Variants in MUC4 observed in about 807,000 individuals in gnomAD.
MUC4 encodes mucin 4, cell surface associated, also known as mucin-4.
MUC4 carries 202 observed loss-of-function variants against 257.9 expected under a neutral mutation model. The observed-to-expected ratio is 0.78, with a 90% confidence interval of 0.70 to 0.88. The LOEUF is 0.88. MUC4 is among the 40% of genes least tolerant of loss of function. The pLI, the probability that MUC4 is intolerant of heterozygous loss-of-function variation, is 0.00. For synonymous variants in MUC4, 2,351 were observed against 2,757.1 expected (o/e 0.85, Z 4.62); for missense variants, 5,976 against 6,513.7 (o/e 0.92, Z 2.84).
At position 195,799,724 on chromosome 3, in the gene MUC4, A is replaced by G. The variant is rs183406663; in HGVS notation, c.83-8227T>C. Among the ~76,000 whole-genome samples, 226 of 152,290 alleles carry G rather than the reference A, an allele frequency of 1.5e-3. 4 individuals carry two copies. Among genetic ancestry groups the G allele is most frequent in the African/African-American group, 5.3e-3 (221 of 41,550 alleles). On this transcript the variant is annotated intron_variant, in intron 1 of 24. Coordinates refer to ENST00000463781, the MANE Select transcript of MUC4 (RefSeq NM_018406.7). ...AGCCCTGATGACTATCTTCGTGTCT[A>G]ATGTTTTGTTTACATTATTTCAGCT...
Position 195,786,439 on chromosome 3 carries a change from G to C in MUC4, c.5141C>G (p.Pro1714Arg). ...SASTGQATPL[P>R]VTSLSSVSTG... Reference sequence around the variant, plus strand: ...GGATACTGAGGAAAGGCTGGTGACAGGAAGAGGGGTGGCCTGACCTGTGGA... The same window carrying C: ...GGATACTGAGGAAAGGCTGGTGACACGAAGAGGGGTGGCCTGACCTGTGGA... Residue 1714 changes from proline to arginine, a missense_variant, in exon 2 of 25, where the codon CCT (proline) becomes CGT (arginine). Physicochemically the swap from Pro to Arg is moderately radical, Grantham distance 103. This residue lies in a region of MUC4 where 138 missense variants were observed against 107.8 expected (regional missense o/e 1.28). Transcript: ENST00000463781. The C allele has an allele frequency of 1.3e-6, 2 of 1,531,532 alleles. No individual in the cohort carries two copies. Among genetic ancestry groups the C allele is most frequent in the South Asian group, 1.2e-5 (1 of 83,294 alleles). 94.9% of individuals were successfully genotyped at this position (1,531,532 alleles called of 1,614,324 possible).
Position 195,781,032 on chromosome 3 carries a change from A to G in MUC4, c.10548T>C (p.Gly3516=), listed in dbSNP as rs560809712. 1.3e-3 allele frequency: 1,902 copies of G among 1,520,058 alleles called. 140 individuals are homozygous for G. The highest frequency in any genetic ancestry group is 1.8e-3 in the South Asian group (151 of 82,892). The allele number at this position is 1,520,058 out of a possible 1,614,324, so 94.2% of individuals were successfully genotyped here. ...CGGTGACAGGAAGAGGGGTGGCGTG[A>G]CCGGTGGATGCTGAGGAAGCGCCGG... ...PVTGASSAST[G]HATPLPVTDT... is the part of the protein sequence containing the mutation. The change falls in exon 2 of 25, where the codon GGT becomes GGC. Residue 3516 remains glycine, a synonymous_variant. Transcript: ENST00000463781.
At chr3:195,775,742 T>A (rs368846160) in intron 3 of MUC4, among the ~76,000 whole-genome samples, 138 of 2,326 alleles carry the variant, frequency 0.059, 4 homozygotes, top group Middle Eastern at 0.1. Flanking sequence ...TTCCACACCC[T>A]TACCTTCCAC....
intron 7 of MUC4, among the ~76,000 whole-genome samples, chr3:195,767,600 TCATCACCATTGCCACCACCATCAC>T (rs1560262305): frequency 2.2e-4 from 10 of 45,388 alleles, no homozygotes; most frequent in Non-Finnish European, 2.2e-4. Context: ...ACCACCACCA[TCATCACCATTGCCACCACCATCAC>T]CACCATCACC....
At chr3:195,767,838 C>CCATCAT (rs1383626709) in intron 7 of MUC4, among the ~76,000 whole-genome samples, 2 of 135,378 alleles carry the variant, frequency 1.5e-5, no homozygotes, top group Non-Finnish European at 3.2e-5. Flanking sequence ...ACCATCACCA[C>CCATCAT]CACCACCATC....
In MUC4 at chr3:195,747,332, G is replaced by T; in HGVS notation, c.16083C>A (p.His5361Gln). The T allele has an allele frequency of 6.2e-7, 1 of 1,614,068 alleles. No individual in the cohort carries two copies. ...AGAACGCGTCGAGTTTCATGCTCAG[G>T]TGCTCACAGTGCTCGCCCCAGGCCG... ...IYTAWGEHCE[H>Q]LSMKLDAFFG... is the part of the protein sequence containing the mutation. The change falls in exon 25 of 25, where the codon CAC becomes CAA. Residue 5361 changes from histidine (H) to glutamine (Q), a missense_variant. Coordinates refer to ENST00000463781, the MANE Select transcript of MUC4 (RefSeq NM_018406.7).
chr3:195,766,504 C>T (rs1377588956), intron 8 of MUC4, among the ~76,000 whole-genome samples, 159 bp downstream of exon 8: 1 of 152,132 alleles, frequency 6.6e-6, no homozygotes, highest in Non-Finnish European at 1.5e-5. Flanking sequence ...GGTGGTGCCA[C>T]ATCCCACCTA....
chr3:195,753,439 G>T (rs1716883837), intron 19 of MUC4: 17 of 575,052 alleles, frequency 3.0e-5, no homozygotes, highest in Non-Finnish European at 4.8e-5. Flanking sequence ...TTCCACTTTT[G>T]TGGAGGGACT....
chr3:195,808,090 G>A (rs999728260), intron 1 of MUC4, among the ~76,000 whole-genome samples: 5 of 152,250 alleles, frequency 3.3e-5, no homozygotes, highest in African/African-American at 7.2e-5. Context: ...CAGGAAGCAC[G>A]GGGTGGCTTT....
chr3:195,791,098 C>T lies in MUC4; in HGVS notation c.482G>A (p.Ser161Asn). 1 of 1,613,750 alleles carries T rather than the reference C, an allele frequency of 6.2e-7. No homozygotes were observed. The highest frequency in any genetic ancestry group is 8.5e-7 in the Non-Finnish European group (1 of 1,179,858). Residue 161 changes from serine to asparagine, a missense_variant, in exon 2 of 25, where the codon AGT becomes AAT. Ser to Asn is a conservative substitution (Grantham distance 46). Transcript: ENST00000463781. ...GACTGCTGAGGTCACTGGGGTAGAACTTTCAGTTCCTGCTGTTGATGTCTC... is the reference window on the plus strand; with the variant it reads ...GACTGCTGAGGTCACTGGGGTAGAATTTTCAGTTCCTGCTGTTGATGTCTC... Reference protein sequence around the residue: ...TEETSTAGTESSTPVTSAVSI... With the variant: ...TEETSTAGTENSTPVTSAVSI...
At position 195,783,742 on chromosome 3, in the gene MUC4, C is replaced by G; in HGVS notation, c.7838G>C (p.Ser2613Thr). Reference protein sequence around the residue: ...TGQATPLPVTSLSSVSTGDTT... With the variant: ...TGQATPLPVTTLSSVSTGDTT... ...GTCACCTGTGGATACTGAGGAAAGG[C>G]TGGTGACAGGAAGAGGGGTGGCCTG... is the stretch of plus-strand genomic sequence containing the variant. The change falls in exon 2 of 25, where the codon AGC (serine) becomes ACC (threonine). Residue 2613 changes from serine to threonine, a missense_variant. Ser to Thr is a moderately conservative substitution (Grantham distance 58). Coordinates refer to ENST00000463781, the MANE Select transcript of MUC4 (RefSeq NM_018406.7). The G allele has an allele frequency of 7.6e-5, 2 of 26,422 alleles. No individual in the cohort carries two copies. Among genetic ancestry groups the G allele is most frequent in the East Asian group, 5.8e-4 (1 of 1,710 alleles). 1.6% of individuals were successfully genotyped at this position (26,422 alleles called of 1,614,324 possible). A position where few individuals can be genotyped will look rare whatever the true frequency, so the allele number is the denominator to read the frequency against.
chr3:195,805,587 G>T (rs1735885549), intron 1 of MUC4, among the ~76,000 whole-genome samples: 1 of 152,156 alleles, frequency 6.6e-6, no homozygotes, highest in Non-Finnish European at 1.5e-5. Flanking sequence ...TGTGATCCCA[G>T]TTGGAATCAA....
In MUC4 at chr3:195,794,392, A is replaced by T. The variant is rs186266486; in HGVS notation, c.83-2895T>A. Reference sequence around the variant, plus strand: ...TATATATAGAGAGAGAGAGAGAGAGAAGAAAGAGAGAGAGAGAGAAAGAAA... The same window carrying T: ...TATATATAGAGAGAGAGAGAGAGAGTAGAAAGAGAGAGAGAGAGAAAGAAA... On this transcript the variant is annotated intron_variant, in intron 1 of 24. Coordinates refer to ENST00000463781, the MANE Select transcript of MUC4 (RefSeq NM_018406.7). 5.3e-3 allele frequency among the ~76,000 whole-genome samples: 777 copies of T among 147,352 alleles called. 6 individuals carry two copies. Among genetic ancestry groups the T allele is most frequent in the African/African-American group, 0.02 (755 of 38,148 alleles).
chr3:195,758,195 G>A (rs1718040638), intron 17 of MUC4, among the ~76,000 whole-genome samples: 1 of 152,158 alleles, frequency 6.6e-6, no homozygotes. Context: ...AATTAGTGCT[G>A]GCAACAGACG....
intron 1 of MUC4, among the ~76,000 whole-genome samples, chr3:195,803,672 G>A (rs759051199): frequency 4.6e-5 from 7 of 152,228 alleles, no homozygotes; most frequent in Non-Finnish European, 7.3e-5. Flanking sequence ...GAGATTCAGC[G>A]GCCCCATTTC....
chr3:195,781,354 A>G lies in MUC4; in HGVS notation c.10226T>C (p.Leu3409Pro), dbSNP rs1578245013. ...TGCTGAGGAAGGGCTAGTGACAGGA[A>G]GAGGCATGGTGTCACCTGTGGATAC... ...SSVSTGDTMPLPVTSPSSAST... is the reference protein window; with the variant it reads ...SSVSTGDTMPPPVTSPSSAST... Residue 3409 changes from leucine to proline, a missense_variant, in exon 2 of 25, where the codon CTT becomes CCT. Physicochemically the swap from Leu to Pro is moderately conservative, Grantham distance 98. Around this residue, in one of 44 missense-constraint regions of MUC4, gnomAD observed 297 missense variants for 240.9 expected, o/e 1.23. Transcript: ENST00000463781. 2.0e-6 allele frequency: 3 copies of G among 1,484,202 alleles called. No individual in the cohort carries two copies. Among genetic ancestry groups the G allele is most frequent in the Admixed American group, 2.1e-5 (1 of 48,124 alleles). 91.9% of individuals were successfully genotyped at this position (1,484,202 alleles called of 1,614,324 possible). A position where few individuals can be genotyped will look rare whatever the true frequency, so the allele number is the denominator to read the frequency against.
At chr3:195,806,237 C>T (rs545184352) in intron 1 of MUC4, among the ~76,000 whole-genome samples, 1 of 152,316 alleles carries the variant, frequency 6.6e-6, no homozygotes, top group Admixed American at 6.5e-5. Flanking sequence ...TCTTTCCTGC[C>T]TCTCCATGAG....
At chr3:195,778,212 G>T in intron 3 of MUC4, 91 bp downstream of exon 3, 1 of 1,449,044 alleles carries the variant, frequency 6.9e-7, no homozygotes, top group African/African-American at 1.4e-5. Context: ...CTCCCCACCC[G>T]AGAGAGCGGA....
chr3:195,753,311 C>T (rs2148762863), intron 19 of MUC4, 81 bp from the exon 20 acceptor site: 2 of 1,421,672 alleles, frequency 1.4e-6, no homozygotes, highest in South Asian at 1.2e-5. Flanking sequence ...CGCTCCGGGA[C>T]AGGCTTGCTT....
Sources: gnomAD v4.1 joint callset for allele counts (sites outside exome capture counted in the v4.1 genomes callset) on GRCh38, gnomAD v4.1.1 for gene constraint, gnomAD v4.1.1 regional missense constraint, MANE v1.5 for transcripts, NCBI Gene and HGNC (gene_info 2026-07-23, HGNC 2026-07-21) for gene names.